The following SRPK2 variants were observed in gnomAD, a reference collection of about 807,000 sequenced individuals.
SRPK2 encodes the protein SFRS protein kinase 2.
In SRPK2, 21 loss-of-function variants were observed where a neutral mutation model predicts 90.8. The observed-to-expected ratio is 0.23, with a 90% CI of 0.16 to 0.33. The LOEUF is 0.33. Ranked by LOEUF, SRPK2 falls within the 10% of genes least tolerant of loss-of-function variation. SRPK2 has a pLI of 1.00. For missense variants in SRPK2, 620 were observed against 869.0 expected, an observed-to-expected ratio of 0.71 and a Z score of 3.60; for synonymous variants, 288 against 311.1, an observed-to-expected ratio of 0.93 and a Z score of 0.78.
At chr7:105,330,718 G>A (rs1185345661) in intron 2 of SRPK2, among the ~76,000 whole-genome samples, 3 of 152,188 alleles carry the variant, frequency 2.0e-5, no homozygotes, top group Non-Finnish European at 4.4e-5. Flanking sequence ...AGTGGCTCCT[G>A]CCTGTAATCT....
In SRPK2 at chr7:105,359,222, G is replaced by A. The variant is rs543285994; in HGVS notation, c.71+29426C>T. On this transcript the variant is annotated intron_variant, in intron 2 of 15. Transcript: ENST00000393651. ...CACCCAGGCTGGAGTGCAATGGCGC[G>A]ATCTTGGCTCACTGCAACCTCTGCC... Among the ~76,000 whole-genome samples, 6 of 140,638 alleles carry A rather than the reference G, an allele frequency of 4.3e-5. 1 individual carries two copies. Among genetic ancestry groups the A allele is most frequent in the South Asian group, 2.3e-4 (1 of 4,324 alleles). The allele number at this position is 140,638 out of a possible 152,430, so 92.3% of individuals were successfully genotyped here. A position where few individuals can be genotyped will look rare whatever the true frequency, so the allele number is the denominator to read the frequency against.
At chr7:105,282,459 GATAA>G (rs1441681557) in intron 2 of SRPK2, among the ~76,000 whole-genome samples, 3 of 151,770 alleles carry the variant, frequency 2.0e-5, no homozygotes, top group African/African-American at 7.2e-5. Flanking sequence ...TAAAAGAATA[GATAA>G]ATAAACTTAA....
chr7:105,221,604 A>T (rs1442362082), intron 2 of SRPK2, among the ~76,000 whole-genome samples: 1 of 152,132 alleles, frequency 6.6e-6, no homozygotes, highest in African/African-American at 2.4e-5. Flanking sequence ...TACTGCCTCA[A>T]TTTCCATCCC....
At chr7:105,170,562 C>T (rs549844157) in intron 3 of SRPK2, among the ~76,000 whole-genome samples, 81 of 151,348 alleles carry the variant, frequency 5.4e-4, no homozygotes, top group Non-Finnish European at 9.1e-4. Flanking sequence ...GGTGTGCTGG[C>T]GAACTCCTGT....
At chr7:105,326,282 C>T (rs1291949373) in intron 2 of SRPK2, among the ~76,000 whole-genome samples, 1 of 152,178 alleles carries the variant, frequency 6.6e-6, no homozygotes, top group African/African-American at 2.4e-5. Context: ...TTCACTTTTA[C>T]CACTCTATAA....
chr7:105,146,486 C>G lies in SRPK2; in HGVS notation c.787+7G>C. 6.2e-7 allele frequency: 1 copy of G among 1,613,670 alleles called. No individual in the cohort carries two copies. Among genetic ancestry groups the G allele is most frequent in the Non-Finnish European group, 8.5e-7 (1 of 1,179,740 alleles). ...ACACTGAAATGAAGCTGGCTCAGCT[C>G]CCTCACCTGCAGACCCTGAAGGAGG... On this transcript the variant is annotated splice_region_variant and intron_variant, in intron 8 of 15. Transcript: ENST00000393651.
At chr7:105,268,305 A>C (rs1030255087) in intron 2 of SRPK2, among the ~76,000 whole-genome samples, 1 of 152,196 alleles carries the variant, frequency 6.6e-6, no homozygotes, top group Non-Finnish European at 1.5e-5. Context: ...GAATGTGACT[A>C]ATCTGTGGGT....
At chr7:105,135,956 G>A (rs1296562333) in intron 11 of SRPK2, among the ~76,000 whole-genome samples, 5 of 151,960 alleles carry the variant, frequency 3.3e-5, no homozygotes, top group African/African-American at 1.2e-4. Context: ...GTAGAGACGG[G>A]GTTTCACCAT....
intron 2 of SRPK2, among the ~76,000 whole-genome samples, chr7:105,380,272 C>T (rs1820787652): frequency 6.6e-6 from 1 of 151,630 alleles, no homozygotes; most frequent in Non-Finnish European, 1.5e-5. Context: ...GCTGGGACTA[C>T]AGGCATGTGC....
chr7:105,286,055 G>T (rs1371386196), intron 2 of SRPK2, among the ~76,000 whole-genome samples: 1 of 152,040 alleles, frequency 6.6e-6, no homozygotes, highest in African/African-American at 2.4e-5. Flanking sequence ...TCATTTTACA[G>T]GAAAACTGAG....
intron 3 of SRPK2, among the ~76,000 whole-genome samples, chr7:105,174,229 G>A (rs910827929): frequency 4.6e-5 from 7 of 151,942 alleles, no homozygotes; most frequent in African/African-American, 1.5e-4. Context: ...CTCTACCTAT[G>A]CTAATAAGAA....
chr7:105,324,596 AGGCACTATGCCT>A (rs1813349957), intron 2 of SRPK2, among the ~76,000 whole-genome samples: 1 of 152,238 alleles, frequency 6.6e-6, no homozygotes, highest in African/African-American at 2.4e-5. Flanking sequence ...AGTGTCCATC[AGGCACTATGCCT>A]GGCACTGTCA....
At chr7:105,365,326 A>G (rs1818902429) in intron 2 of SRPK2, among the ~76,000 whole-genome samples, 1 of 151,710 alleles carries the variant, frequency 6.6e-6, no homozygotes, top group African/African-American at 2.4e-5. Context: ...CTCTACTAAA[A>G]ATACAAAAAA....
Position 105,170,995 on chromosome 7 carries a change from GAGAA to G in SRPK2, c.230-1734_230-1731del, listed in dbSNP as rs1221221567. Among the ~76,000 whole-genome samples, 80 of 117,864 alleles carry G rather than the reference GAGAA, an allele frequency of 6.8e-4. 1 individual carries two copies. The highest frequency in any genetic ancestry group is 3.3e-3 in the East Asian group (12 of 3,682). 77.3% of individuals were successfully genotyped at this position (117,864 alleles called of 152,430 possible). On this transcript the variant is annotated intron_variant, in intron 3 of 15. Coordinates refer to ENST00000393651, the MANE Select transcript of SRPK2 (RefSeq NM_182692.3). Reference sequence around the variant, plus strand: ...AAAGAAAGAGAAAGAAAGAAAGAAAGAGAAAGAAAGAAAGAAAGAGAGGAAGGAA... The same window carrying G: ...AAAGAAAGAGAAAGAAAGAAAGAAAGAGAAAGAAAGAAAGAGAGGAAGGAA...
At chr7:105,303,409 A>G (rs954750645) in intron 2 of SRPK2, among the ~76,000 whole-genome samples, 2 of 152,044 alleles carry the variant, frequency 1.3e-5, no homozygotes. Context: ...ACATACATAC[A>G]TATGTAACAA....
chr7:105,120,739 A>C (rs1800222338), intron 15 of SRPK2, among the ~76,000 whole-genome samples: 1 of 152,184 alleles, frequency 6.6e-6, no homozygotes, highest in Admixed American at 6.5e-5. Flanking sequence ...AGATGCTATA[A>C]TGATTATGTG....
rs150082650 is a variant in SRPK2 at position 105,325,581 on chromosome 7, G to A, written c.71+63067C>T. On this transcript the variant is annotated intron_variant, in intron 2 of 15. Coordinates refer to ENST00000393651, the MANE Select transcript of SRPK2 (RefSeq NM_182692.3). The stretch of plus-strand genomic sequence containing the variant: ...AAAAAAAAAAAAAAAAGTTCAACTG[G>A]ATACAGTGGCTCACACCTGTAATCT... Among the ~76,000 whole-genome samples the A allele has an allele frequency of 6.3e-4, 89 of 141,756 alleles. 1 individual carries two copies. The highest frequency in any genetic ancestry group is 2.2e-3 in the African/African-American group (84 of 37,872). The allele number at this position is 141,756 out of a possible 152,430, so 93.0% of individuals were successfully genotyped here.
At chr7:105,119,089 T>G (rs1364326298) in intron 15 of SRPK2, among the ~76,000 whole-genome samples, 1 of 150,610 alleles carries the variant, frequency 6.6e-6, no homozygotes, top group Non-Finnish European at 1.5e-5. Flanking sequence ...AACACCCCCC[T>G]GTGCCCACAC....
At chr7:105,134,540 T>C (rs1200318253) in intron 11 of SRPK2, among the ~76,000 whole-genome samples, 9 of 152,264 alleles carry the variant, frequency 5.9e-5, no homozygotes, top group Non-Finnish European at 1.3e-4. Context: ...TATAAACACC[T>C]ACCTAGGAGA....
Sources: gnomAD v4.1 joint callset for allele counts (sites outside exome capture counted in the v4.1 genomes callset) on GRCh38, gnomAD v4.1.1 for gene constraint, MANE v1.5 for transcripts, NCBI Gene and HGNC (gene_info 2026-07-23, HGNC 2026-07-21) for gene names.